Variants in RPS6KC1 observed in about 807,000 individuals in gnomAD.
RPS6KC1 encodes the protein inactive ribosomal protein S6 kinase delta-1.
A neutral mutation model predicts 103.8 loss-of-function variants in RPS6KC1; 54 were observed. The ratio of observed to expected loss-of-function variants is 0.52; its 90% CI spans 0.42 to 0.65. The LOEUF (loss-of-function observed/expected upper bound fraction) is 0.65. Among genes scored for constraint, RPS6KC1 ranks in the 30% least tolerant of loss-of-function variants. The probability of loss-of-function intolerance (pLI) is 0.00; values close to 1 mark genes in which losing one functional copy is unlikely to be tolerated. For missense variants in RPS6KC1, 1,151 were observed against 1,253.8 expected (o/e 0.92, Z 1.24); for synonymous variants, 439 against 438.7 (o/e 1.00, Z -0.01).
At chr1:213,328,189 A>G in the RPS6KC1 span, among the ~76,000 whole-genome samples, 3 of 152,096 alleles carry the variant, frequency 2.0e-5, no homozygotes, top group Non-Finnish European at 4.4e-5. Flanking sequence ...GGCATGCAAT[A>G]CATTTTTATT....
chr1:213,757,694 A>T, the RPS6KC1 span, among the ~76,000 whole-genome samples: 4 of 152,352 alleles, frequency 2.6e-5, no homozygotes, highest in Admixed American at 2.6e-4. Context: ...GCAGATTTTC[A>T]GTAAAGACAA....
chr1:213,638,907 G>T, the RPS6KC1 span, among the ~76,000 whole-genome samples: 1 of 152,156 alleles, frequency 6.6e-6, no homozygotes, highest in South Asian at 2.1e-4. Context: ...CTGGAATTTG[G>T]TTGGTACTTG....
chr1:213,567,399 G>C, the RPS6KC1 span, among the ~76,000 whole-genome samples: 1 of 152,122 alleles, frequency 6.6e-6, no homozygotes, highest in African/African-American at 2.4e-5. Flanking sequence ...GACTCCATGT[G>C]GACACTTACA....
the RPS6KC1 span, among the ~76,000 whole-genome samples, chr1:213,649,027 T>A: frequency 2.0e-5 from 3 of 152,020 alleles, no homozygotes; most frequent in African/African-American, 4.8e-5. Flanking sequence ...CTCCCTTTTG[T>A]ACCAACCCTC....
chr1:213,375,336 TACAC>T, the RPS6KC1 span, among the ~76,000 whole-genome samples: 376 of 152,134 alleles, frequency 2.5e-3, 1 homozygote, highest in African/African-American at 8.8e-3. Flanking sequence ...TATACACACA[TACAC>T]ACATATACAC....
the RPS6KC1 span, among the ~76,000 whole-genome samples, chr1:213,522,018 C>T: frequency 1.1e-4 from 16 of 152,318 alleles, no homozygotes; most frequent in East Asian, 2.9e-3. Context: ...CTTTCCAGAA[C>T]GTTTTCAATT....
the RPS6KC1 span, among the ~76,000 whole-genome samples, chr1:213,551,855 A>G: frequency 6.6e-6 from 1 of 152,162 alleles, no homozygotes; most frequent in Non-Finnish European, 1.5e-5. Flanking sequence ...TGCTCTGCCT[A>G]TTCATCCCTT....
chr1:213,729,438 C>T, the RPS6KC1 span, among the ~76,000 whole-genome samples: 3 of 152,184 alleles, frequency 2.0e-5, 1 homozygote, highest in Middle Eastern at 6.3e-3. Flanking sequence ...ACTGTACCTG[C>T]GCTTCCAAAT....
chr1:213,472,333 G>T, the RPS6KC1 span, among the ~76,000 whole-genome samples: 1 of 152,144 alleles, frequency 6.6e-6, no homozygotes, highest in African/African-American at 2.4e-5. Flanking sequence ...AGCATTTAAT[G>T]AACCATATTG....
chr1:213,338,534 G>C, the RPS6KC1 span, among the ~76,000 whole-genome samples: 1 of 152,150 alleles, frequency 6.6e-6, no homozygotes, highest in Non-Finnish European at 1.5e-5. Context: ...GTCCATAGCA[G>C]GTGTTCAGTA....
the RPS6KC1 span, among the ~76,000 whole-genome samples, chr1:213,605,711 A>G: frequency 5.3e-5 from 8 of 152,358 alleles, no homozygotes; most frequent in South Asian, 1.2e-3. Flanking sequence ...TGGAAAGGCA[A>G]TTTCCCCAGC....
Position 213,082,937 on chromosome 1 carries a change from A to G in RPS6KC1, c.262+5121A>G, listed in dbSNP as rs961223622. 1.8e-4 allele frequency among the ~76,000 whole-genome samples: 28 copies of G among 152,228 alleles called. 1 individual carries two copies. Among genetic ancestry groups the G allele is most frequent in the Admixed American group, 2.6e-4 (4 of 15,280 alleles). ...TAAAGATTAAGGTTGTGCCTTACAC[A>G]TCCTCTCAAATAGTAGGGCTTCGTG... On this transcript the variant is annotated intron_variant, in intron 3 of 14. Transcript: ENST00000366960.
At chr1:213,808,702 A>G in the RPS6KC1 span, among the ~76,000 whole-genome samples, 2 of 152,218 alleles carry the variant, frequency 1.3e-5, no homozygotes, top group Non-Finnish European at 2.9e-5. Context: ...TTTGACTAGG[A>G]AAGGGAACTC....
chr1:213,833,274 G>A, the RPS6KC1 span, among the ~76,000 whole-genome samples: 2 of 152,184 alleles, frequency 1.3e-5, no homozygotes, highest in African/African-American at 4.8e-5. Context: ...AACTCAAGAA[G>A]TGCTACTGTG....
At chr1:213,660,275 A>G in the RPS6KC1 span, among the ~76,000 whole-genome samples, 3 of 152,222 alleles carry the variant, frequency 2.0e-5, no homozygotes, top group Admixed American at 6.5e-5. Context: ...GTAGGCCAGT[A>G]TCTCTAGGGA....
chr1:213,363,595 TTG>T, the RPS6KC1 span, among the ~76,000 whole-genome samples: 8,211 of 90,312 alleles, frequency 0.091, 2,014 homozygotes, highest in African/African-American at 0.35. Context: ...TCTTTAGCCC[TTG>T]CTCGCTCGCT....
chr1:213,859,446 C>T, the RPS6KC1 span, among the ~76,000 whole-genome samples: 1 of 152,324 alleles, frequency 6.6e-6, no homozygotes, highest in East Asian at 1.9e-4. Flanking sequence ...CAACAGCAAA[C>T]ATTTTCTGCA....
chr1:213,809,297 A>T, the RPS6KC1 span, among the ~76,000 whole-genome samples: 1 of 152,186 alleles, frequency 6.6e-6, no homozygotes, highest in Non-Finnish European at 1.5e-5. Context: ...TAAGTTTGCC[A>T]TCTTATATGG....
At chr1:213,271,743 G>A (rs917556227) in intron 14 of RPS6KC1, among the ~76,000 whole-genome samples, 6 of 118,130 alleles carry the variant, frequency 5.1e-5, no homozygotes, top group Non-Finnish European at 8.1e-5. Flanking sequence ...CAGCCTGGGC[G>A]ACAGAGCGAA....
Sources: allele counts gnomAD v4.1 joint callset (sites outside exome capture counted in the v4.1 genomes callset), GRCh38; gene constraint gnomAD v4.1.1; transcripts MANE v1.5; gene names NCBI Gene and HGNC (gene_info 2026-07-23, HGNC 2026-07-21).